The following CSMD3 variants were observed in gnomAD, a reference collection of about 807,000 sequenced individuals.
CSMD3 encodes CUB and sushi domain-containing protein 3.
Under a neutral mutation model 435.2 loss-of-function variants are expected in CSMD3, and 177 were observed. That is an observed-to-expected ratio of 0.41 (90% CI 0.36 to 0.46). CSMD3 has a LOEUF of 0.46. Ranked by LOEUF, CSMD3 falls within the 20% of genes least tolerant of loss-of-function variation. The probability of loss-of-function intolerance (pLI) is 0.34; values close to 1 mark genes in which losing one functional copy is unlikely to be tolerated. For synonymous variants in CSMD3, 1,656 were observed against 1,520.5 expected (o/e 1.09, Z -2.07); for missense variants, 4,265 against 4,504.6 (o/e 0.95, Z 1.52).
intron 22 of CSMD3, among the ~76,000 whole-genome samples, chr8:112,598,343 A>G (rs1021489109): frequency 5.9e-5 from 9 of 151,442 alleles, no homozygotes; most frequent in African/African-American, 2.2e-4. Flanking sequence ...GGAGAACTAC[A>G]AACCACTTCT....
At chr8:112,638,091 T>C (rs888709039) in intron 21 of CSMD3, among the ~76,000 whole-genome samples, 62 of 151,426 alleles carry the variant, frequency 4.1e-4, no homozygotes, top group African/African-American at 1.3e-3. Context: ...GTAATACTAT[T>C]GTCTATAAGT....
At chr8:112,460,878 A>ATAC (rs1184131143) in intron 32 of CSMD3, among the ~76,000 whole-genome samples, 5 of 152,174 alleles carry the variant, frequency 3.3e-5, no homozygotes, top group African/African-American at 1.2e-4. Flanking sequence ...TTATAAGAGA[A>ATAC]TACTATTCAA....
chr8:112,787,370 A>G (rs562722628), intron 13 of CSMD3, among the ~76,000 whole-genome samples: 1 of 152,238 alleles, frequency 6.6e-6, no homozygotes, highest in South Asian at 2.1e-4. Flanking sequence ...ACTCTCATAC[A>G]CTGTTGGTGA....
intron 7 of CSMD3, among the ~76,000 whole-genome samples, chr8:112,974,320 C>T (rs899418117): frequency 5.9e-5 from 9 of 151,816 alleles, no homozygotes; most frequent in Non-Finnish European, 8.8e-5. Context: ...CACCACTTGA[C>T]GGCAAACTTT....
chr8:113,368,941 G>C (rs1246962499), intron 1 of CSMD3, among the ~76,000 whole-genome samples: 1 of 152,006 alleles, frequency 6.6e-6, no homozygotes, highest in Non-Finnish European at 1.5e-5. Flanking sequence ...CGGTGGGTTT[G>C]TGTTTCTAAA....
At chr8:113,268,168 CA>C (rs1443433393) in intron 3 of CSMD3, among the ~76,000 whole-genome samples, 1 of 151,710 alleles carries the variant, frequency 6.6e-6, no homozygotes, top group Non-Finnish European at 1.5e-5. Flanking sequence ...TAACTTTTAT[CA>C]GAAACTAGAA....
intron 10 of CSMD3, among the ~76,000 whole-genome samples, chr8:112,871,979 T>C (rs936784176): frequency 1.8e-4 from 27 of 152,082 alleles, no homozygotes; most frequent in Non-Finnish European, 3.5e-4. Flanking sequence ...TTTTAAAATA[T>C]AGTGTATGAT....
intron 27 of CSMD3, among the ~76,000 whole-genome samples, chr8:112,531,141 C>A (rs956243471): frequency 2.0e-5 from 3 of 152,096 alleles, no homozygotes; most frequent in Middle Eastern, 3.4e-3. Flanking sequence ...GGGAAGAGTA[C>A]GGGGGACTTT....
intron 49 of CSMD3, among the ~76,000 whole-genome samples, chr8:112,313,388 A>T (rs1822165079): frequency 6.6e-6 from 1 of 152,176 alleles, no homozygotes; most frequent in African/African-American, 2.4e-5. Flanking sequence ...ATAGATGGAT[A>T]AAAATTAAAA....
intron 3 of CSMD3, among the ~76,000 whole-genome samples, chr8:113,228,265 A>G (rs560985438): frequency 1.3e-5 from 2 of 151,610 alleles, no homozygotes; most frequent in African/African-American, 2.4e-5. Flanking sequence ...ACCTTCCCCT[A>G]TCTCTGCCTA....
chr8:112,763,041 T>A (rs983705977), intron 13 of CSMD3, among the ~76,000 whole-genome samples: 1 of 151,712 alleles, frequency 6.6e-6, no homozygotes, highest in Non-Finnish European at 1.5e-5. Context: ...CGAGAGTAGA[T>A]TTAAAGTGTT....
intron 13 of CSMD3, among the ~76,000 whole-genome samples, chr8:112,733,827 C>A (rs774233966): frequency 2.1e-4 from 32 of 152,010 alleles, no homozygotes; most frequent in African/African-American, 4.6e-4. Context: ...TGACTTTGGG[C>A]AACACATAAT....
chr8:113,222,342 C>T (rs963749709), intron 3 of CSMD3, among the ~76,000 whole-genome samples: 1 of 150,702 alleles, frequency 6.6e-6, no homozygotes, highest in South Asian at 2.1e-4. Context: ...ATTTAGAAAA[C>T]CTGTATAAAA....
intron 27 of CSMD3, among the ~76,000 whole-genome samples, chr8:112,528,520 G>A (rs1323955353): frequency 6.6e-6 from 1 of 152,098 alleles, no homozygotes; most frequent in South Asian, 2.1e-4. Flanking sequence ...TGAATACCAA[G>A]GAGCACTTTA....
rs561484105 is a variant in CSMD3, at chr8:113,344,677, T to C, written c.179-29884A>G. ...CGATATTGTGCAATGAATACAAAAA[T>C]AGGTAACATGGAAAGACACAGTTTC... On this transcript the variant is annotated intron_variant, in intron 1 of 70. Transcript: ENST00000297405. 2.0e-5 allele frequency among the ~76,000 whole-genome samples: 3 copies of C among 152,216 alleles called. No individual in the cohort carries two copies. In the South Asian group the frequency reaches 6.2e-4, roughly 32 times the overall value.
At chr8:112,288,172 C>A (rs1359312247) in intron 57 of CSMD3, among the ~76,000 whole-genome samples, 1 of 140,192 alleles carries the variant, frequency 7.1e-6, no homozygotes, top group African/African-American at 2.6e-5. Context: ...AATAACCACA[C>A]AAAATTTTAA....
intron 9 of CSMD3, among the ~76,000 whole-genome samples, chr8:112,935,039 C>G (rs1174711445): frequency 6.6e-6 from 1 of 151,948 alleles, no homozygotes; most frequent in Non-Finnish European, 1.5e-5. Context: ...AGCTTTGGGC[C>G]TTATGTTAAA....
At position 112,753,218 on chromosome 8, in the gene CSMD3, G is replaced by A. The variant is rs143040996; in HGVS notation, c.1972+46944C>T. Among the ~76,000 whole-genome samples the A allele has an allele frequency of 9.1e-4, 138 of 152,130 alleles. 1 individual carries two copies. The East Asian group carries it at 0.024, about 26-fold the overall frequency. On this transcript the variant is annotated intron_variant, in intron 13 of 70. Transcript: ENST00000297405. Reference sequence around the variant, plus strand: ...CAGAAATAGTATATGAGTTATGGTGGTGTTATAAAAAAATAAAAATGGAAA... The same window carrying A: ...CAGAAATAGTATATGAGTTATGGTGATGTTATAAAAAAATAAAAATGGAAA...
intron 1 of CSMD3, among the ~76,000 whole-genome samples, chr8:113,402,550 C>A (rs1258123224): frequency 1.3e-5 from 2 of 151,264 alleles, no homozygotes; most frequent in Non-Finnish European, 1.5e-5. Context: ...ATTTAAAAAT[C>A]TATTGAGGAA....
Sources: gnomAD v4.1 joint callset for allele counts (sites outside exome capture counted in the v4.1 genomes callset) on GRCh38, gnomAD v4.1.1 for gene constraint, MANE v1.5 for transcripts, NCBI Gene and HGNC (gene_info 2026-07-23, HGNC 2026-07-21) for gene names.